Variants in C12orf60 observed in about 807,000 individuals in gnomAD.
C12orf60 encodes uncharacterized protein C12orf60.
For missense variants in C12orf60, 284 were observed against 283.2 expected (o/e 1.00, Z -0.02); for synonymous variants, 102 against 94.6 (o/e 1.08, Z -0.45).
In C12orf60 at chr12:14,823,083, G is replaced by C. The variant is rs766144400; in HGVS notation, c.148G>C (p.Val50Leu). The change falls in exon 2 of 2, where the codon GTG becomes CTG. Residue 50 changes from valine (V) to leucine (L), a missense_variant. Transcript: ENST00000330828. ...SMNTQILLMA[V>L]KNNSYIKDFF... ...GAATACTCAAATCCTTTTGATGGCT[G>C]TGAAAAACAATAGTTACATTAAGGA... The C allele has an allele frequency of 6.2e-7, 1 of 1,614,164 alleles. No individual in the cohort carries two copies. The highest frequency in any genetic ancestry group is 1.7e-5 in the Admixed American group (1 of 60,026).
intron 1 of C12orf60, chr12:14,805,044 T>C (rs915067528): frequency 1.3e-5 from 2 of 152,230 alleles, no homozygotes; most frequent in African/African-American, 4.8e-5. Context: ...TCCATAGCCT[T>C]TGGCGTTTTC....
At chr12:14,805,833 C>T in intron 1 of C12orf60, 3 of 736,306 alleles carry the variant, frequency 4.1e-6, no homozygotes, top group Non-Finnish European at 6.5e-6. Flanking sequence ...ATTGTTGACT[C>T]AAAACTCATC....
At chr12:14,807,283 TTAA>T (rs1307422588) in intron 1 of C12orf60, among the ~76,000 whole-genome samples, 1 of 152,270 alleles carries the variant, frequency 6.6e-6, no homozygotes, top group Non-Finnish European at 1.5e-5. Context: ...CATCTGTTTA[TTAA>T]TAAGCGTGAT....
intron 1 of C12orf60, chr12:14,806,331 A>G (rs1462836235): frequency 6.2e-7 from 1 of 1,614,240 alleles, no homozygotes; most frequent in South Asian, 1.1e-5. Context: ...GATGACCGAA[A>G]TAACCTTTTG....
chr12:14,822,270 G>C (rs1297401739), intron 1 of C12orf60, among the ~76,000 whole-genome samples: 1 of 150,698 alleles, frequency 6.6e-6, no homozygotes, highest in East Asian at 1.9e-4. Context: ...ATTCCAGGCT[G>C]CCCTAGAGCC....
chr12:14,806,758 A>C, intron 1 of C12orf60: 1 of 1,409,354 alleles, frequency 7.1e-7, no homozygotes, highest in Non-Finnish European at 9.6e-7. Context: ...AACTGTGTAG[A>C]AGGGACTAGG....
intron 1 of C12orf60, among the ~76,000 whole-genome samples, chr12:14,816,079 A>G (rs1213659055): frequency 6.6e-6 from 1 of 152,228 alleles, no homozygotes; most frequent in Non-Finnish European, 1.5e-5. Flanking sequence ...CTTGACTACT[A>G]AAGCCAGTAT....
chr12:14,816,256 A>G (rs1448067192), intron 1 of C12orf60, among the ~76,000 whole-genome samples: 1 of 152,030 alleles, frequency 6.6e-6, no homozygotes, highest in Non-Finnish European at 1.5e-5. Context: ...AATATCTCCA[A>G]ACTTATCTGC....
rs1950344776 is a variant in C12orf60 at position 14,823,866 on chromosome 12, T to G, written c.*193T>G. 1 of 439,688 alleles carries G rather than the reference T, an allele frequency of 2.3e-6. No homozygotes were observed. Among genetic ancestry groups the G allele is most frequent in the South Asian group, 7.1e-5 (1 of 14,036 alleles). 27.2% of individuals were successfully genotyped at this position (439,688 alleles called of 1,614,324 possible). ...AAAGAAATAATTAAGAAAGCCTGTT[T>G]GAAATGTCAGTCACTAAGAAGAATA... is the stretch of plus-strand genomic sequence containing the variant. On this transcript the variant is annotated 3_prime_UTR_variant, in exon 2 of 2. Coordinates refer to ENST00000330828, the MANE Select transcript of C12orf60 (RefSeq NM_175874.4).
chr12:14,812,353 AG>A (rs1323871035), intron 1 of C12orf60, among the ~76,000 whole-genome samples: 2 of 152,168 alleles, frequency 1.3e-5, no homozygotes, highest in Admixed American at 6.5e-5. Flanking sequence ...CTGAGGCAGG[AG>A]AATGGCATGA....
At chr12:14,806,366 C>A (rs1565678389) in intron 1 of C12orf60, 4 of 1,614,150 alleles carry the variant, frequency 2.5e-6, no homozygotes, top group Non-Finnish European at 3.4e-6. Context: ...TGTCTGTTTC[C>A]TTTTCCTTAA....
Position 14,823,604 on chromosome 12 carries a change from G to T in C12orf60, c.669G>T (p.Glu223Asp). 2 of 1,608,352 alleles carry T rather than the reference G, an allele frequency of 1.2e-6. No homozygotes were observed. The highest frequency in any genetic ancestry group is 1.7e-6 in the Non-Finnish European group (2 of 1,178,582). The stretch of plus-strand genomic sequence containing the variant: ...TCAAGGCTATGGGACCAATCTTAGA[G>T]ATCCTCCAAAAAGCGATAAAGACTA... ...QIVKAMGPIL[E>D]ILQKAIKTME... Residue 223 changes from glutamate to aspartate, a missense_variant, in exon 2 of 2, where the codon GAG (glutamate) becomes GAT (aspartate). By Grantham distance (45) the Glu-to-Asp change is conservative (BLOSUM62 2). Coordinates refer to ENST00000330828, the MANE Select transcript of C12orf60 (RefSeq NM_175874.4).
At position 14,823,250 on chromosome 12, in the gene C12orf60, G is replaced by T; in HGVS notation, c.315G>T (p.Glu105Asp). 6.2e-7 allele frequency: 1 copy of T among 1,614,102 alleles called. No homozygotes were observed. Among genetic ancestry groups the T allele is most frequent in the Non-Finnish European group, 8.5e-7 (1 of 1,179,998 alleles). ...TGGTTCAGAAGAGTACCAATGTAGAGGAGTTGCATCAGTCAGCTAAAGAAG... is the reference window on the plus strand; with the variant it reads ...TGGTTCAGAAGAGTACCAATGTAGATGAGTTGCATCAGTCAGCTAAAGAAG... ...CSVVQKSTNV[E>D]ELHQSAKEVF... is the part of the protein sequence containing the mutation. Residue 105 changes from glutamate (E) to aspartate (D), a missense_variant, in exon 2 of 2, where the codon GAG (glutamate) becomes GAT (aspartate). Glu to Asp is a conservative substitution (Grantham distance 45). Coordinates refer to ENST00000330828, the MANE Select transcript of C12orf60 (RefSeq NM_175874.4).
At chr12:14,820,314 G>A (rs911908807) in intron 1 of C12orf60, among the ~76,000 whole-genome samples, 1 of 151,460 alleles carries the variant, frequency 6.6e-6, no homozygotes, top group Non-Finnish European at 1.5e-5. Context: ...TAGTTTTGTT[G>A]GATTTTATCT....
At chr12:14,822,710 G>A (rs1379128135) in intron 1 of C12orf60, among the ~76,000 whole-genome samples, 3 of 152,106 alleles carry the variant, frequency 2.0e-5, no homozygotes, top group African/African-American at 4.8e-5. Context: ...TAAATTTGGC[G>A]ATACAACCCT....
Position 14,823,787 on chromosome 12 carries a change from A to G in C12orf60, c.*114A>G, listed in dbSNP as rs1327363777. On this transcript the variant is annotated 3_prime_UTR_variant, in exon 2 of 2. Coordinates refer to ENST00000330828, the MANE Select transcript of C12orf60 (RefSeq NM_175874.4). ...ACATGTGCTATGTTAGAACATAAGT[A>G]CACAAAAGTCATCTGGCAAAACATT... 2 of 936,320 alleles carry G rather than the reference A, an allele frequency of 2.1e-6. No homozygotes were observed. Among genetic ancestry groups the G allele is most frequent in the South Asian group, 3.3e-5 (1 of 29,994 alleles). The allele number at this position is 936,320 out of a possible 1,614,324, so 58.0% of individuals were successfully genotyped here. A position where few individuals can be genotyped will look rare whatever the true frequency, so the allele number is the denominator to read the frequency against.
chr12:14,811,411 G>C (rs142423549), intron 1 of C12orf60, among the ~76,000 whole-genome samples: 132 of 152,232 alleles, frequency 8.7e-4, no homozygotes, highest in African/African-American at 3.0e-3. Context: ...AATTTTATTT[G>C]ATGAGAGAGT....
At chr12:14,813,889 A>G (rs1036942789) in intron 1 of C12orf60, among the ~76,000 whole-genome samples, 3 of 152,144 alleles carry the variant, frequency 2.0e-5, no homozygotes, top group African/African-American at 7.2e-5. Flanking sequence ...CTCTGACTTA[A>G]TCAGTCCTAG....
chr12:14,810,443 C>T (rs1004166247), intron 1 of C12orf60, among the ~76,000 whole-genome samples: 3 of 152,118 alleles, frequency 2.0e-5, no homozygotes, highest in Non-Finnish European at 4.4e-5. Context: ...GTACTTACCA[C>T]GTGTAAGGTC....
Sources: gnomAD v4.1 joint callset for allele counts (sites outside exome capture counted in the v4.1 genomes callset) on GRCh38, gnomAD v4.1.1 for gene constraint, MANE v1.5 for transcripts, NCBI Gene and HGNC (gene_info 2026-07-23, HGNC 2026-07-21) for gene names.